The following RBMS3 variants were observed in gnomAD, a reference collection of about 807,000 sequenced individuals.
RBMS3 encodes the protein RNA-binding motif, single-stranded-interacting protein 3.
A neutral mutation model predicts 66.8 loss-of-function variants in RBMS3; 27 were observed. The observed-to-expected ratio is 0.40, with a 90% CI of 0.30 to 0.56. RBMS3 has a LOEUF of 0.56. Ranked by LOEUF, RBMS3 falls within the 20% of genes least tolerant of loss-of-function variation. RBMS3 has a pLI of 0.40. For synonymous variants in RBMS3, 188 were observed against 183.0 expected (o/e 1.03, Z -0.22); for missense variants, 513 against 549.5 (o/e 0.93, Z 0.66).
At chr3:29,615,210 C>T (rs976706552) in intron 4 of RBMS3, 1 of 152,334 alleles carries the variant, frequency 6.6e-6, no homozygotes, top group Non-Finnish European at 1.5e-5. Context: ...CCATAATATT[C>T]CATGACTGGA....
chr3:29,450,729 G>A (rs530410178), intron 2 of RBMS3, among the ~76,000 whole-genome samples: 8 of 152,046 alleles, frequency 5.3e-5, no homozygotes, highest in Non-Finnish European at 1.0e-4. Flanking sequence ...CTAAACCAGG[G>A]TGGTAAATGG....
intron 1 of RBMS3, among the ~76,000 whole-genome samples, chr3:29,335,967 T>A (rs953348456): frequency 3.3e-5 from 5 of 152,130 alleles, no homozygotes; most frequent in African/African-American, 1.2e-4. Flanking sequence ...TCATGGCAAT[T>A]CTTAGGACTG....
chr3:29,446,343 A>G (rs370538977), intron 2 of RBMS3, among the ~76,000 whole-genome samples: 1 of 152,324 alleles, frequency 6.6e-6, no homozygotes, highest in African/African-American at 2.4e-5. Context: ...ATAGTTAAAT[A>G]AAATTCACCT....
chr3:29,851,113 T>C (rs1271947731), intron 6 of RBMS3, among the ~76,000 whole-genome samples: 1 of 152,222 alleles, frequency 6.6e-6, no homozygotes, highest in East Asian at 1.9e-4. Flanking sequence ...CTCCTTACAT[T>C]ACCTTATCTT....
intron 7 of RBMS3, among the ~76,000 whole-genome samples, chr3:29,877,440 AT>A (rs970081957): frequency 1.3e-5 from 2 of 152,230 alleles, no homozygotes; most frequent in Non-Finnish European, 2.9e-5. Context: ...GAATCAAAGT[AT>A]TCCTTGGATT....
At chr3:29,972,295 A>G (rs1697279493) in intron 12 of RBMS3, among the ~76,000 whole-genome samples, 1 of 152,084 alleles carries the variant, frequency 6.6e-6, no homozygotes, top group Non-Finnish European at 1.5e-5. Context: ...TTGTACTCAC[A>G]TGGATAGAGT....
intron 2 of RBMS3, among the ~76,000 whole-genome samples, chr3:29,446,742 T>C (rs2041845258): frequency 6.6e-6 from 1 of 152,158 alleles, no homozygotes; most frequent in Non-Finnish European, 1.5e-5. Flanking sequence ...ATGGTAATCA[T>C]AGTCAACATG....
intron 5 of RBMS3, among the ~76,000 whole-genome samples, chr3:29,753,225 T>A (rs2055259813): frequency 6.6e-6 from 1 of 152,206 alleles, no homozygotes; most frequent in Admixed American, 6.5e-5. Context: ...TTTACATATG[T>A]GAAAAACAGG....
chr3:29,880,223 CA>C (rs1363909651), intron 7 of RBMS3, among the ~76,000 whole-genome samples: 1 of 152,044 alleles, frequency 6.6e-6, no homozygotes, highest in Non-Finnish European at 1.5e-5. Flanking sequence ...TGAAAAATGA[CA>C]AAAATACCCC....
chr3:29,647,090 G>T (rs985372084), intron 4 of RBMS3, among the ~76,000 whole-genome samples: 1 of 152,094 alleles, frequency 6.6e-6, no homozygotes, highest in South Asian at 2.1e-4. Context: ...TGATTCTCGT[G>T]CCTCAGCCTC....
intron 6 of RBMS3, among the ~76,000 whole-genome samples, chr3:29,801,675 A>G (rs1189961865): frequency 1.3e-5 from 2 of 152,120 alleles, no homozygotes; most frequent in African/African-American, 2.4e-5. Flanking sequence ...AAAAGGAAAA[A>G]CATTCTAAGG....
At position 29,514,877 on chromosome 3, in the gene RBMS3, T is replaced by G. The variant is rs146302719; in HGVS notation, c.307+26378T>G. On this transcript the variant is annotated intron_variant, in intron 3 of 14. Transcript: ENST00000383767. ...TAATACCTAACTGTCAGTGAGTACT[T>G]TATGCATGTCAGATTTTCTTCTAAT... Among the ~76,000 whole-genome samples the G allele has an allele frequency of 1.4e-3, 210 of 151,750 alleles. 3 individuals carry two copies. The East Asian group carries it at 0.035, about 26-fold the overall frequency.
intron 3 of RBMS3, among the ~76,000 whole-genome samples, chr3:29,491,327 C>T (rs2148918709): frequency 6.6e-6 from 1 of 152,048 alleles, no homozygotes; most frequent in East Asian, 1.9e-4. Context: ...GGAAACAGGG[C>T]CTGTGTGCTA....
At chr3:29,701,588 GGTGGGAACTGGGGCTGCGCGC>G (rs1158005189) in intron 4 of RBMS3, among the ~76,000 whole-genome samples, 13 of 152,146 alleles carry the variant, frequency 8.5e-5, no homozygotes, top group Admixed American at 2.6e-4. Context: ...GAGAGGCGCA[GGTGGGAACTGGGGCTGCGCGC>G]GTCGTTCACG....
At chr3:29,984,039 C>G (rs1297909779) in intron 12 of RBMS3, among the ~76,000 whole-genome samples, 1 of 152,118 alleles carries the variant, frequency 6.6e-6, no homozygotes, top group Non-Finnish European at 1.5e-5. Context: ...TGTCACTTTC[C>G]AGTACACCAG....
intron 10 of RBMS3, among the ~76,000 whole-genome samples, chr3:29,916,232 TTC>T (rs1238568818): frequency 6.6e-6 from 1 of 152,008 alleles, no homozygotes; most frequent in East Asian, 1.9e-4. Context: ...TGATAAATCT[TTC>T]TCTCTTTCCC....
intron 4 of RBMS3, among the ~76,000 whole-genome samples, chr3:29,672,403 G>A (rs1291024250): frequency 7.2e-5 from 11 of 152,038 alleles, no homozygotes; most frequent in East Asian, 3.9e-4. Context: ...ACCAGCTAAC[G>A]TCATAATGAC....
At chr3:29,657,686 G>A (rs2050374344) in intron 4 of RBMS3, among the ~76,000 whole-genome samples, 1 of 152,140 alleles carries the variant, frequency 6.6e-6, no homozygotes, top group Non-Finnish European at 1.5e-5. Context: ...ATTGAATATT[G>A]TGAAATTATG....
intron 14 of RBMS3, among the ~76,000 whole-genome samples, chr3:29,994,729 AAACT>A (rs1176100876): frequency 1.3e-5 from 2 of 152,204 alleles, no homozygotes; most frequent in African/African-American, 4.8e-5. Flanking sequence ...GTTAGAAGGA[AAACT>A]AACAAACAGA....
Sources: gnomAD v4.1 joint callset for allele counts (sites outside exome capture counted in the v4.1 genomes callset) on GRCh38, gnomAD v4.1.1 for gene constraint, MANE v1.5 for transcripts, NCBI Gene and HGNC (gene_info 2026-07-23, HGNC 2026-07-21) for gene names.